PPIL6: variants seen among roughly 807,000 people sequenced by gnomAD.
PPIL6 encodes the protein peptidylprolyl isomerase like 6, also known as probable inactive peptidyl-prolyl cis-trans isomerase-like 6.
PPIL6 carries 39 observed loss-of-function variants against 36.8 expected under a neutral mutation model. The observed-to-expected ratio is 1.06, with a 90% CI of 0.82 to 1.38. PPIL6 has a LOEUF of 1.38. Ranked by LOEUF, PPIL6 falls within the 40% of genes most tolerant of loss-of-function variation. PPIL6 has a pLI of 0.00. For missense variants in PPIL6, 368 were observed against 379.1 expected (o/e 0.97, Z 0.24); for synonymous variants, 123 against 134.1 (o/e 0.92, Z 0.57).
chr6:109,435,772 A>T (rs1774412379), intron 2 of PPIL6, among the ~76,000 whole-genome samples: 5 of 152,086 alleles, frequency 3.3e-5, no homozygotes, highest in Admixed American at 3.3e-4. Context: ...AAAAAATACA[A>T]AAACTAGCTA....
intron 5 of PPIL6, among the ~76,000 whole-genome samples, chr6:109,422,919 T>A (rs1033384208): frequency 6.6e-6 from 1 of 152,242 alleles, no homozygotes; most frequent in African/African-American, 2.4e-5. Flanking sequence ...TGTTTTTATT[T>A]GTTTTTACTA....
At position 109,440,548 on chromosome 6, in the gene PPIL6, CGCACCTAGCGTGCG is replaced by C; in HGVS notation, c.29_42del (p.Pro10ArgfsTer31). On this transcript the variant is annotated frameshift_variant, in exon 1 of 8. Transcript: ENST00000521072. LOFTEE classifies it high-confidence loss of function. ...GGCCGCTCCGGCAGCGACGGCGAGC[CGCACCTAGCGTGCG>C]GGGGCCCGCACGGCTGCGGCCTTGC... 2 of 1,481,476 alleles carry C rather than the reference CGCACCTAGCGTGCG, an allele frequency of 1.3e-6. No homozygotes were observed. Among genetic ancestry groups the C allele is most frequent in the Non-Finnish European group, 8.9e-7 (1 of 1,117,958 alleles). The allele number at this position is 1,481,476 out of a possible 1,614,324, so 91.8% of individuals were successfully genotyped here.
intron 6 of PPIL6, among the ~76,000 whole-genome samples, chr6:109,400,609 G>A (rs544365546): frequency 2.0e-4 from 31 of 151,968 alleles, no homozygotes; most frequent in South Asian, 4.1e-4. Flanking sequence ...CTTACACATC[G>A]TTCTTGGACA....
intron 1 of PPIL6, among the ~76,000 whole-genome samples, chr6:109,437,548 C>CT (rs71551374): frequency 0.011 from 1,103 of 97,890 alleles, 5 homozygotes; most frequent in Middle Eastern, 0.016. Context: ...TATTTCTTTT[C>CT]TTTTTTTTTT....
intron 2 of PPIL6, among the ~76,000 whole-genome samples, chr6:109,431,996 A>T (rs1328708268): frequency 6.6e-6 from 1 of 152,214 alleles, no homozygotes; most frequent in Admixed American, 6.5e-5. Context: ...ATTTTGTTTC[A>T]GCTTCTTCCT....
intron 5 of PPIL6, among the ~76,000 whole-genome samples, chr6:109,425,417 G>C (rs1391009424): frequency 6.6e-6 from 1 of 152,134 alleles, no homozygotes; most frequent in Non-Finnish European, 1.5e-5. Flanking sequence ...AGGGTGGTGG[G>C]AGCTAAGCAA....
At chr6:109,406,722 T>C (rs912771002) in intron 6 of PPIL6, among the ~76,000 whole-genome samples, 1 of 152,240 alleles carries the variant, frequency 6.6e-6, no homozygotes. Context: ...CCACTTTTCA[T>C]GATAAATTCA....
At position 109,427,161 on chromosome 6, in the gene PPIL6, G is replaced by A; in HGVS notation, c.421-5C>T. ...GTCCAAAAACACGAAATCATGCTGT[G>A]AAGATTAAGGAGAATCATATAATGC... On this transcript the variant is annotated splice_region_variant and splice_polypyrimidine_tract_variant and intron_variant, in intron 3 of 7. Coordinates refer to ENST00000521072, the MANE Select transcript of PPIL6 (RefSeq NM_173672.5). 1.2e-6 allele frequency: 2 copies of A among 1,606,102 alleles called. No homozygotes were observed. The highest frequency in any genetic ancestry group is 1.7e-6 in the Non-Finnish European group (2 of 1,173,868).
intron 2 of PPIL6, among the ~76,000 whole-genome samples, chr6:109,435,296 CTTTTTTT>C (rs911840164): frequency 1.5e-5 from 2 of 131,948 alleles, no homozygotes; most frequent in African/African-American, 5.7e-5. Flanking sequence ...AAATGTTGCA[CTTTTTTT>C]TTTTTTTTTT....
intron 3 of PPIL6, among the ~76,000 whole-genome samples, chr6:109,430,955 C>T (rs9487104): frequency 0.016 from 2,428 of 152,256 alleles, 79 homozygotes; most frequent in African/African-American, 0.056. Context: ...ATGATCTCCC[C>T]GTGCAGCCCA....
chr6:109,414,476 G>GTTTTT (rs1773153520), intron 6 of PPIL6, among the ~76,000 whole-genome samples: 1 of 107,084 alleles, frequency 9.3e-6, no homozygotes, highest in African/African-American at 3.9e-5. Flanking sequence ...ATGTCTTTTA[G>GTTTTT]CTTTTTTTTT....
intron 5 of PPIL6, among the ~76,000 whole-genome samples, chr6:109,421,721 CT>C (rs1273806921): frequency 2.0e-5 from 3 of 152,150 alleles, no homozygotes; most frequent in Admixed American, 1.3e-4. Flanking sequence ...CATAAAACAA[CT>C]CATTCTGGAG....
At chr6:109,421,731 A>G (rs1160907790) in intron 5 of PPIL6, among the ~76,000 whole-genome samples, 2 of 152,290 alleles carry the variant, frequency 1.3e-5, no homozygotes, top group Non-Finnish European at 2.9e-5. Context: ...CTCATTCTGG[A>G]GAAGAGCTCT....
In PPIL6 at chr6:109,395,337, G is replaced by A. The variant is rs547957424; in HGVS notation, c.825-2400C>T. On this transcript the variant is annotated intron_variant, in intron 7 of 7. Transcript: ENST00000521072. Reference sequence around the variant, plus strand: ...CATGAGAATTGCTTAAACCCGGGAGGCAGAGGTTGCAGTGAGCTGAGATCG... The same window carrying A: ...CATGAGAATTGCTTAAACCCGGGAGACAGAGGTTGCAGTGAGCTGAGATCG... Among the ~76,000 whole-genome samples, 6 of 151,844 alleles carry A rather than the reference G, an allele frequency of 4.0e-5. No homozygotes were observed. The South Asian group carries it at 1.3e-3, about 32-fold the overall frequency.
intron 7 of PPIL6, among the ~76,000 whole-genome samples, chr6:109,395,787 G>T (rs140725446): frequency 0.017 from 2,607 of 149,968 alleles, 74 homozygotes; most frequent in African/African-American, 0.06. Flanking sequence ...TGTATTTTTA[G>T]TAGAGACGGG....
intron 7 of PPIL6, among the ~76,000 whole-genome samples, chr6:109,395,252 C>T (rs1478574206): frequency 6.6e-6 from 1 of 152,046 alleles, no homozygotes; most frequent in South Asian, 2.1e-4. Context: ...ACTAAAAATA[C>T]AAAAATTAGC....
chr6:109,406,304 AGT>A (rs540501460), intron 6 of PPIL6, among the ~76,000 whole-genome samples: 182 of 151,596 alleles, frequency 1.2e-3, no homozygotes, highest in Admixed American at 5.9e-3. Context: ...CTCCCACTTC[AGT>A]CTCCCACAGT....
Position 109,400,015 on chromosome 6 carries a change from T to C in PPIL6, c.824+20A>G. 1.3e-6 allele frequency: 2 copies of C among 1,565,996 alleles called. No homozygotes were observed. The highest frequency in any genetic ancestry group is 8.7e-7 in the Non-Finnish European group (1 of 1,144,886). Reference sequence around the variant, plus strand: ...TTTACAGGTGTGAATATTATATAAATAGATCTACAATATACATACCCAAAA... The same window carrying C: ...TTTACAGGTGTGAATATTATATAAACAGATCTACAATATACATACCCAAAA... On this transcript the variant is annotated intron_variant, in intron 7 of 7. Coordinates refer to ENST00000521072, the MANE Select transcript of PPIL6 (RefSeq NM_173672.5).
Position 109,436,037 on chromosome 6 carries a change from A to G in PPIL6, c.231+67T>C, listed in dbSNP as rs533196423. ...TTACTCTTTCAGTTTTTCCAAAACA[A>G]TGCATAAATAATTCAGGCAAAACTT... is the stretch of plus-strand genomic sequence containing the variant. On this transcript the variant is annotated intron_variant, in intron 2 of 7. Transcript: ENST00000521072. 1.3e-5 allele frequency: 11 copies of G among 833,852 alleles called. No homozygotes were observed. The South Asian group carries it at 1.4e-4, about 11-fold the overall frequency. 51.7% of individuals were successfully genotyped at this position (833,852 alleles called of 1,614,324 possible).
Sources: allele counts gnomAD v4.1 joint callset (sites outside exome capture counted in the v4.1 genomes callset), GRCh38; gene constraint gnomAD v4.1.1; transcripts MANE v1.5; gene names NCBI Gene and HGNC (gene_info 2026-07-23, HGNC 2026-07-21).